TAAR1: variants seen among roughly 807,000 people sequenced by gnomAD.
TAAR1 encodes the protein trace amine-associated receptor 1.
In TAAR1, 1 loss-of-function variant was observed where a neutral mutation model predicts 1.2. That is an observed-to-expected ratio of 0.81 (90% CI 0.29 to 3.86). TAAR1 has a LOEUF of 3.86. Among genes scored for constraint, TAAR1 ranks in the 30% most tolerant of loss-of-function variants. The probability of loss-of-function intolerance (pLI) is 0.18; values close to 1 mark genes in which losing one functional copy is unlikely to be tolerated. For missense variants in TAAR1, 445 were observed against 405.6 expected (o/e 1.10, Z -0.83); for synonymous variants, 153 against 132.2 (o/e 1.16, Z -1.08).
intron 1 of TAAR1, 21 bp from the exon 2 acceptor site, chr6:132,646,150 G>T: frequency 1.1e-6 from 1 of 902,176 alleles, no homozygotes; most frequent in Non-Finnish European, 1.7e-6. Context: ...AAATAAAAGA[G>T]TAAATCATTG....
At chr6:132,651,708 CCT>C in intron 1 of TAAR1, among the ~76,000 whole-genome samples, 2 of 152,298 alleles carry the variant, frequency 1.3e-5, no homozygotes, top group East Asian at 3.9e-4. Flanking sequence ...TGCTTCTTCT[CCT>C]GTCTCTCCAC....
intron 1 of TAAR1, among the ~76,000 whole-genome samples, chr6:132,655,345 C>CA (rs942622447): frequency 2.0e-5 from 3 of 148,024 alleles, no homozygotes; most frequent in Admixed American, 1.3e-4. Context: ...TACATTAAGC[C>CA]AAAAAACAAA....
intron 1 of TAAR1, among the ~76,000 whole-genome samples, chr6:132,653,250 A>G (rs1777767363): frequency 1.3e-5 from 2 of 152,190 alleles, no homozygotes; most frequent in East Asian, 3.8e-4. Context: ...TTCCACCAGG[A>G]ATATACTAGT....
At chr6:132,646,655 T>C (rs940694520) in intron 1 of TAAR1, among the ~76,000 whole-genome samples, 1 of 152,196 alleles carries the variant, frequency 6.6e-6, no homozygotes, top group Non-Finnish European at 1.5e-5. Flanking sequence ...CATATATTTA[T>C]TTGCAGCTTG....
chr6:132,656,761 T>C (rs1777808228), intron 1 of TAAR1, among the ~76,000 whole-genome samples: 1 of 152,198 alleles, frequency 6.6e-6, no homozygotes. Context: ...ACATCTCCTC[T>C]GTCATTTTGG....
intron 1 of TAAR1, among the ~76,000 whole-genome samples, chr6:132,651,480 C>T (rs1427741388): frequency 2.6e-5 from 4 of 152,174 alleles, no homozygotes; most frequent in Non-Finnish European, 5.9e-5. Context: ...TAGAACATGA[C>T]AACTCTATTC....
rs574992712 is a variant in TAAR1, at chr6:132,643,384, T to G, written c.*1600A>C. Among the ~76,000 whole-genome samples, 6 of 151,930 alleles carry G rather than the reference T, an allele frequency of 3.9e-5. No individual in the cohort carries two copies. Among genetic ancestry groups the G allele is most frequent in the Non-Finnish European group, 7.4e-5 (5 of 67,910 alleles). On this transcript the variant is annotated 3_prime_UTR_variant, in exon 2 of 2. Coordinates refer to ENST00000275216, the MANE Select transcript of TAAR1 (RefSeq NM_138327.4). ...TCACAGGTGAAAAAAGTCAAACTGG[T>G]CTCACAGGTGAAAAAAACTCTTTTG...
chr6:132,652,850 T>C (rs1309211519), intron 1 of TAAR1, among the ~76,000 whole-genome samples: 2 of 151,704 alleles, frequency 1.3e-5, no homozygotes, highest in Non-Finnish European at 1.5e-5. Context: ...AGGTAAGAAC[T>C]CTATGGAAGG....
Position 132,644,297 on chromosome 6 carries a change from A to T in TAAR1, c.*687T>A, listed in dbSNP as rs186843243. 6.6e-6 allele frequency among the ~76,000 whole-genome samples: 1 copy of T among 151,974 alleles called. No homozygotes were observed. The highest frequency in any genetic ancestry group is 1.5e-5 in the Non-Finnish European group (1 of 67,946). ...ATAAAAGTTGAAAAAGAGAAATATT[A>T]ATATAAAATAAAGAATTTTAGATGA... On this transcript the variant is annotated 3_prime_UTR_variant, in exon 2 of 2. Transcript: ENST00000275216.
In TAAR1 at chr6:132,643,531, T is replaced by C. The variant is rs1162000397; in HGVS notation, c.*1453A>G. Among the ~76,000 whole-genome samples the C allele has an allele frequency of 6.6e-6, 1 of 152,008 alleles. No homozygotes were observed. Among genetic ancestry groups the C allele is most frequent in the Non-Finnish European group, 1.5e-5 (1 of 67,930 alleles). On this transcript the variant is annotated 3_prime_UTR_variant, in exon 2 of 2. Transcript: ENST00000275216. ...TGATACAGATCATTGAAACAAAATA[T>C]ATACTCCAGAAACAGACTATAATTT...
At position 132,645,742 on chromosome 6, in the gene TAAR1, A is replaced by C; in HGVS notation, c.262T>G (p.Cys88Gly). The C allele has an allele frequency of 6.2e-7, 1 of 1,613,822 alleles. No individual in the cohort carries two copies. The highest frequency in any genetic ancestry group is 1.1e-5 in the South Asian group (1 of 91,072). The change falls in exon 2 of 2, where the codon TGT (cysteine) becomes GGT (glycine). Residue 88 changes from cysteine to glycine, a missense_variant. Physicochemically the swap from Cys to Gly is radical, Grantham distance 159. Coordinates refer to ENST00000275216, the MANE Select transcript of TAAR1 (RefSeq NM_138327.4). Reference sequence around the variant, plus strand: ...CAGAAGACTTCTCCAAAATACCAACAGTGCTCAGCAGATCTCACCATACTG... The same window carrying C: ...CAGAAGACTTCTCCAAAATACCAACCGTGCTCAGCAGATCTCACCATACTG... ...PYSMVRSAEH[C>G]WYFGEVFCKI...
rs768314409 is a variant in TAAR1 at position 132,645,166 on chromosome 6, T to C, written c.838A>G (p.Ile280Val). 3.1e-6 allele frequency: 5 copies of C among 1,612,542 alleles called. No individual in the cohort carries two copies. Among genetic ancestry groups the C allele is most frequent in the Non-Finnish European group, 4.2e-6 (5 of 1,179,464 alleles). Reference protein sequence around the residue: ...CTVMDPFLHYIIPPTLNDVLI... With the variant: ...CTVMDPFLHYVIPPTLNDVLI... ...ACATCATTCAAAGTAGGTGGAATAA[T>C]GTAGTGAAGAAAAGGGTCCATGACT... The change falls in exon 2 of 2, where the codon ATT becomes GTT. Residue 280 changes from isoleucine (I) to valine (V), a missense_variant. Transcript: ENST00000275216.
chr6:132,644,886 T>C lies in TAAR1; in HGVS notation c.*98A>G. 9.7e-7 allele frequency: 1 copy of C among 1,030,396 alleles called. No homozygotes were observed. The highest frequency in any genetic ancestry group is 1.4e-6 in the Non-Finnish European group (1 of 728,776). 63.8% of individuals were successfully genotyped at this position (1,030,396 alleles called of 1,614,324 possible). ...ACATACTTTGACTCAAGTAACTGAT[T>C]TAAAAAAAAATCCATGTGGTTGGTG... On this transcript the variant is annotated 3_prime_UTR_variant, in exon 2 of 2. Transcript: ENST00000275216.
At chr6:132,657,262 C>T (rs896437337) in intron 1 of TAAR1, among the ~76,000 whole-genome samples, 1 of 152,022 alleles carries the variant, frequency 6.6e-6, no homozygotes, top group African/African-American at 2.4e-5. Flanking sequence ...GTTGGTCTAG[C>T]AGCATTTTTT....
intron 1 of TAAR1, among the ~76,000 whole-genome samples, chr6:132,655,746 G>A (rs1307744259): frequency 6.6e-6 from 1 of 152,212 alleles, no homozygotes; most frequent in Non-Finnish European, 1.5e-5. Flanking sequence ...GGGAGCTGCT[G>A]CAACGGAAGC....
rs533771746 is a variant in TAAR1 at position 132,646,359 on chromosome 6, T to G, written c.-126-230A>C. 2.1e-4 allele frequency among the ~76,000 whole-genome samples: 32 copies of G among 152,244 alleles called. No individual in the cohort carries two copies. In the South Asian group the frequency reaches 6.4e-3, roughly 31 times the overall value. ...GGTTGAACTATATGAAACTGCCACA[T>G]TTGTAGGTCAGAGAAGATCAAATGA... On this transcript the variant is annotated intron_variant, in intron 1 of 1. Coordinates refer to ENST00000275216, the MANE Select transcript of TAAR1 (RefSeq NM_138327.4).
chr6:132,646,515 A>G (rs1274007136), intron 1 of TAAR1, among the ~76,000 whole-genome samples: 1 of 152,170 alleles, frequency 6.6e-6, no homozygotes, highest in African/African-American at 2.4e-5. Context: ...TATGTTTATG[A>G]AAAAGACAAG....
Position 132,652,929 on chromosome 6 carries a change from G to T in TAAR1, c.-127+6201C>A, listed in dbSNP as rs117832694. Among the ~76,000 whole-genome samples the T allele has an allele frequency of 2.3e-3, 351 of 151,960 alleles. 8 individuals carry two copies. In the East Asian group the frequency reaches 0.047, roughly 20 times the overall value. ...TTCACCATCAAATAAAAGAAAAGGA[G>T]GTCCCCAGAGTCCCCCAAAAGAGGC... On this transcript the variant is annotated intron_variant, in intron 1 of 1. Coordinates refer to ENST00000275216, the MANE Select transcript of TAAR1 (RefSeq NM_138327.4).
At position 132,645,131 on chromosome 6, in the gene TAAR1, C is replaced by A. The variant is rs149159437; in HGVS notation, c.873G>T (p.Trp291Cys). 1 of 1,612,876 alleles carries A rather than the reference C, an allele frequency of 6.2e-7. No individual in the cohort carries two copies. The highest frequency in any genetic ancestry group is 1.3e-5 in the African/African-American group (1 of 74,748). Reference protein sequence around the residue: ...IPPTLNDVLIWFGYLNSTFNP... With the variant: ...IPPTLNDVLICFGYLNSTFNP... ...TAAATGTAGAGTTCAAGTAGCCAAA[C>A]CAAATCAATACATCATTCAAAGTAG... is the stretch of plus-strand genomic sequence containing the variant. The change falls in exon 2 of 2, where the codon TGG (tryptophan) becomes TGT (cysteine). Residue 291 changes from tryptophan (W) to cysteine (C), a missense_variant. Transcript: ENST00000275216.
Sources: gnomAD v4.1 joint callset for allele counts (sites outside exome capture counted in the v4.1 genomes callset) on GRCh38, gnomAD v4.1.1 for gene constraint, MANE v1.5 for transcripts, NCBI Gene and HGNC (gene_info 2026-07-23, HGNC 2026-07-21) for gene names.